The following CFDP1 variants were observed in gnomAD, a reference collection of about 807,000 sequenced individuals.
CFDP1 encodes chromatin remodeling protein CFDP1.
In CFDP1, 31 loss-of-function variants were observed where a neutral mutation model predicts 40.1. That is an observed-to-expected ratio of 0.77 (90% CI 0.58 to 1.04). The LOEUF (loss-of-function observed/expected upper bound fraction) is 1.04, where lower values mean the gene tolerates loss of function less well. CFDP1 is among the 50% of genes least tolerant of loss of function. CFDP1 has a pLI of 0.00. For missense variants in CFDP1, 423 were observed against 343.4 expected, an observed-to-expected ratio of 1.23 and a Z score of -1.83; for synonymous variants, 167 against 120.0, an observed-to-expected ratio of 1.39 and a Z score of -2.56.
intron 5 of CFDP1, among the ~76,000 whole-genome samples, chr16:75,316,569 TAAAAAAAAA>T (rs780200659): frequency 3.8e-5 from 1 of 26,580 alleles, no homozygotes; most frequent in Non-Finnish European, 7.9e-5. Context: ...AGACCCTGTC[TAAAAAAAAA>T]AAAAAAAAAA....
chr16:75,378,331 T>C (rs558872333), intron 5 of CFDP1, among the ~76,000 whole-genome samples: 70 of 151,994 alleles, frequency 4.6e-4, no homozygotes, highest in Non-Finnish European at 8.8e-4. Context: ...AAAATGTCAT[T>C]CCAATCATAT....
At chr16:75,392,572 A>T (rs545053851) in intron 5 of CFDP1, among the ~76,000 whole-genome samples, 53 of 152,294 alleles carry the variant, frequency 3.5e-4, no homozygotes, top group African/African-American at 1.3e-3. Flanking sequence ...ATCTCAGCTC[A>T]CTTCGACCTC....
chr16:75,327,889 A>G (rs1466276715), intron 5 of CFDP1, among the ~76,000 whole-genome samples: 2 of 151,934 alleles, frequency 1.3e-5, no homozygotes, highest in African/African-American at 4.8e-5. Context: ...ACACCTGGCT[A>G]ATTTTTTTGC....
chr16:75,406,350 C>G (rs1360326935), intron 4 of CFDP1, among the ~76,000 whole-genome samples: 2 of 151,960 alleles, frequency 1.3e-5, no homozygotes, highest in Non-Finnish European at 2.9e-5. Flanking sequence ...ACACTCCAGC[C>G]TGGGCAACAG....
chr16:75,331,590 G>C (rs2078446244), intron 5 of CFDP1, among the ~76,000 whole-genome samples: 1 of 152,162 alleles, frequency 6.6e-6, no homozygotes, highest in Admixed American at 6.5e-5. Flanking sequence ...TATAATCACA[G>C]ATAAGTTCTA....
intron 4 of CFDP1, among the ~76,000 whole-genome samples, chr16:75,409,724 T>C (rs1597392590): frequency 6.6e-6 from 1 of 152,122 alleles, no homozygotes; most frequent in Non-Finnish European, 1.5e-5. Flanking sequence ...AATTCTCAAA[T>C]GGTTCAGCCA....
chr16:75,343,888 C>T lies in CFDP1; in HGVS notation c.651-38706G>A, dbSNP rs996740320. On this transcript the variant is annotated intron_variant, in intron 5 of 6. Coordinates refer to ENST00000283882, the MANE Select transcript of CFDP1 (RefSeq NM_006324.3). Reference sequence around the variant, plus strand: ...GTAGACGGGGCAATACATAAGCATGCGACATTTTATGCAGAATTTTTAAAG... The same window carrying T: ...GTAGACGGGGCAATACATAAGCATGTGACATTTTATGCAGAATTTTTAAAG... Among the ~76,000 whole-genome samples, 39 of 152,078 alleles carry T rather than the reference C, an allele frequency of 2.6e-4. 1 individual carries two copies. Among genetic ancestry groups the T allele is most frequent in the African/African-American group, 8.7e-4 (36 of 41,386 alleles).
intron 5 of CFDP1, chr16:75,363,048 C>T (rs1294392322): frequency 1.3e-5 from 2 of 152,108 alleles, no homozygotes; most frequent in Non-Finnish European, 2.9e-5. Context: ...GAAAGAATCA[C>T]CACCAGGAAA....
In CFDP1 at chr16:75,375,124, A is replaced by G. The variant is rs2078782526; in HGVS notation, c.650+19966T>C. Among the ~76,000 whole-genome samples, 3 of 152,168 alleles carry G rather than the reference A, an allele frequency of 2.0e-5. No homozygotes were observed. The South Asian group carries it at 6.2e-4, about 31-fold the overall frequency. ...AGGTACAAAAAAAACCTAAACATAA[A>G]AGCCAGGACCATTAAAAAAAGGCAA... On this transcript the variant is annotated intron_variant, in intron 5 of 6. Transcript: ENST00000283882.
Position 75,294,031 on chromosome 16 carries a change from C to T in CFDP1, c.821G>A (p.Arg274Gln), listed in dbSNP as rs201839765. 2.7e-5 allele frequency: 44 copies of T among 1,613,252 alleles called. No individual in the cohort carries two copies. The highest frequency in any genetic ancestry group is 8.3e-5 in the Admixed American group (5 of 60,000). ...HNRGKEGYIE[R>Q]KAFLDRVDHR... ...ATCCACTCGGTCAAGGAAGGCTTTC[C>T]GTTCAATGTACCTAGAAGATGAAAA... The change falls in exon 7 of 7, where the codon CGG (arginine) becomes CAG (glutamine). Residue 274 changes from arginine to glutamine, a missense_variant. Transcript: ENST00000283882.
intron 5 of CFDP1, among the ~76,000 whole-genome samples, chr16:75,391,763 G>C: frequency 6.6e-6 from 1 of 152,048 alleles, no homozygotes; most frequent in Middle Eastern, 3.4e-3. Context: ...GAGGTCAGGA[G>C]TTCAAGACCA....
intron 6 of CFDP1, among the ~76,000 whole-genome samples, chr16:75,297,401 A>G (rs1455345899): frequency 6.6e-6 from 1 of 152,166 alleles, no homozygotes; most frequent in Non-Finnish European, 1.5e-5. Flanking sequence ...CCAAGAGACT[A>G]AATGTCCCTG....
intron 5 of CFDP1, among the ~76,000 whole-genome samples, chr16:75,370,637 C>T (rs571350378): frequency 2.6e-5 from 4 of 151,924 alleles, no homozygotes; most frequent in African/African-American, 9.7e-5. Context: ...CTGAGGAGGG[C>T]GGATCACCTG....
At chr16:75,374,574 T>C (rs893005703) in intron 5 of CFDP1, among the ~76,000 whole-genome samples, 1 of 151,930 alleles carries the variant, frequency 6.6e-6, no homozygotes, top group African/African-American at 2.4e-5. Context: ...CCCAGCACTT[T>C]GGGAGGCTGA....
At chr16:75,314,457 G>C (rs2078312633) in intron 5 of CFDP1, among the ~76,000 whole-genome samples, 2 of 152,134 alleles carry the variant, frequency 1.3e-5, no homozygotes, top group Admixed American at 6.6e-5. Context: ...AGGGTTGCCA[G>C]AGTCAAGGAG....
intron 4 of CFDP1, among the ~76,000 whole-genome samples, chr16:75,401,199 TG>T (rs1471456619): frequency 6.6e-6 from 1 of 151,378 alleles, no homozygotes; most frequent in Non-Finnish European, 1.5e-5. Flanking sequence ...GAGGCCGAGG[TG>T]GGTGGATCAT....
intron 5 of CFDP1, among the ~76,000 whole-genome samples, chr16:75,374,418 T>TA: frequency 6.6e-6 from 1 of 152,120 alleles, no homozygotes; most frequent in East Asian, 1.9e-4. Context: ...TTTATATAAA[T>TA]AAAAAACACT....
chr16:75,325,599 A>G (rs2078395850), intron 5 of CFDP1, among the ~76,000 whole-genome samples: 1 of 152,238 alleles, frequency 6.6e-6, no homozygotes, highest in South Asian at 2.1e-4. Flanking sequence ...GCTGTAGTGG[A>G]AACTCCACAA....
intron 4 of CFDP1, among the ~76,000 whole-genome samples, chr16:75,408,545 G>T (rs115798809): frequency 0.031 from 4,730 of 152,148 alleles, 225 homozygotes; most frequent in African/African-American, 0.1. Flanking sequence ...TTGGGAGGCT[G>T]AGGAGGGTGG....
Sources: gnomAD v4.1 joint callset for allele counts (sites outside exome capture counted in the v4.1 genomes callset) on GRCh38, gnomAD v4.1.1 for gene constraint, MANE v1.5 for transcripts, NCBI Gene and HGNC (gene_info 2026-07-23, HGNC 2026-07-21) for gene names.